LRP1B: variants seen among roughly 807,000 people sequenced by gnomAD.
LRP1B encodes low-density lipoprotein receptor-related protein 1B.
In LRP1B, 217 loss-of-function variants were observed where a neutral mutation model predicts 556.6. The ratio of observed to expected loss-of-function variants is 0.39; its 90% CI spans 0.35 to 0.44. LRP1B has a LOEUF of 0.44. Ranked by LOEUF, LRP1B falls within the 20% of genes least tolerant of loss-of-function variation. The pLI is 1.00. For synonymous variants in LRP1B, 2,047 were observed against 1,865.8 expected, an observed-to-expected ratio of 1.10 and a Z score of -2.50; for missense variants, 5,053 against 5,620.8, an observed-to-expected ratio of 0.90 and a Z score of 3.23.
At chr2:140,552,992 TA>T (rs1680600572) in intron 43 of LRP1B, among the ~76,000 whole-genome samples, 1 of 152,034 alleles carries the variant, frequency 6.6e-6, no homozygotes, top group Admixed American at 6.6e-5. Context: ...AACCTGAATG[TA>T]AAAATATTCA....
At chr2:141,877,142 G>A (rs896651570) in intron 1 of LRP1B, among the ~76,000 whole-genome samples, 1 of 151,918 alleles carries the variant, frequency 6.6e-6, no homozygotes, top group Non-Finnish European at 1.5e-5. Flanking sequence ...TGTAATCAAA[G>A]TTGAAATAAA....
intron 3 of LRP1B, among the ~76,000 whole-genome samples, chr2:141,336,114 CAA>C (rs60102985): frequency 1.2e-4 from 11 of 93,020 alleles, no homozygotes; most frequent in Middle Eastern, 7.4e-3. Flanking sequence ...CAGACCTGTC[CAA>C]AAAAAAAAAA....
intron 2 of LRP1B, among the ~76,000 whole-genome samples, chr2:141,651,676 A>G: frequency 6.6e-6 from 1 of 152,176 alleles, no homozygotes; most frequent in Non-Finnish European, 1.5e-5. Context: ...AAAAAATAAT[A>G]ATGATAATAA....
At chr2:140,845,498 CA>C (rs1322371395) in intron 29 of LRP1B, among the ~76,000 whole-genome samples, 1 of 148,772 alleles carries the variant, frequency 6.7e-6, no homozygotes, top group African/African-American at 2.5e-5. Flanking sequence ...CGTAACAGAA[CA>C]AAAAAAATTA....
At chr2:141,132,387 A>T (rs1701380874) in intron 7 of LRP1B, among the ~76,000 whole-genome samples, 1 of 151,640 alleles carries the variant, frequency 6.6e-6, no homozygotes, top group Non-Finnish European at 1.5e-5. Context: ...TGCCCCTTAG[A>T]TTTTCCTCTT....
chr2:142,074,057 T>G (rs1177747918), intron 1 of LRP1B, among the ~76,000 whole-genome samples: 1 of 152,072 alleles, frequency 6.6e-6, no homozygotes, highest in Admixed American at 6.6e-5. Flanking sequence ...CCATCTCTTT[T>G]CTTCATTCTT....
intron 7 of LRP1B, among the ~76,000 whole-genome samples, chr2:141,154,498 CT>C (rs987794631): frequency 9.2e-5 from 14 of 151,912 alleles, no homozygotes; most frequent in Admixed American, 9.2e-4. Flanking sequence ...TTTCATCTCT[CT>C]ATGGGCTAAT....
chr2:141,755,744 T>C (rs929823185), intron 2 of LRP1B, among the ~76,000 whole-genome samples: 4 of 151,988 alleles, frequency 2.6e-5, no homozygotes, highest in Non-Finnish European at 5.9e-5. Context: ...TAATAAAAAT[T>C]GCAACAAATT....
intron 3 of LRP1B, among the ~76,000 whole-genome samples, chr2:141,370,367 T>C (rs1391754982): frequency 6.6e-6 from 1 of 152,196 alleles, no homozygotes; most frequent in East Asian, 1.9e-4. Flanking sequence ...TGATATCTCA[T>C]TGTGGTTTTA....
At chr2:140,747,044 T>G (rs1688340115) in intron 35 of LRP1B, among the ~76,000 whole-genome samples, 1 of 152,186 alleles carries the variant, frequency 6.6e-6, no homozygotes, top group Admixed American at 6.5e-5. Context: ...GTTGCAGCTG[T>G]GCATTTTGGA....
In LRP1B at chr2:140,599,715, C is replaced by A. The variant is rs117748131; in HGVS notation, c.6990-880G>T. ...AAGTATTAAACTCACAATTTATTTA[C>A]AATATTTTCCTAGATTGTAGGCTTT... On this transcript the variant is annotated intron_variant, in intron 42 of 90. Coordinates refer to ENST00000389484, the MANE Select transcript of LRP1B (RefSeq NM_018557.3). 1.0e-3 allele frequency among the ~76,000 whole-genome samples: 157 copies of A among 152,104 alleles called. 4 individuals are homozygous for A. The East Asian group carries it at 0.022, about 21-fold the overall frequency.
At chr2:140,773,115 C>A (rs1032115919) in intron 33 of LRP1B, among the ~76,000 whole-genome samples, 2 of 151,102 alleles carry the variant, frequency 1.3e-5, no homozygotes, top group East Asian at 3.9e-4. Context: ...AACAAACAAA[C>A]AAAAAACAAG....
intron 2 of LRP1B, among the ~76,000 whole-genome samples, chr2:141,666,916 T>C (rs1690461422): frequency 6.6e-6 from 1 of 152,212 alleles, no homozygotes; most frequent in Non-Finnish European, 1.5e-5. Context: ...GATGTTTTTC[T>C]TATTGCTTGA....
chr2:141,890,541 T>C (rs183766087), intron 1 of LRP1B, among the ~76,000 whole-genome samples: 203 of 151,878 alleles, frequency 1.3e-3, no homozygotes, highest in African/African-American at 4.7e-3. Context: ...ATAATGCTTT[T>C]TACTCAGCTA....
At chr2:141,176,006 A>G (rs941570732) in intron 7 of LRP1B, among the ~76,000 whole-genome samples, 13 of 152,130 alleles carry the variant, frequency 8.5e-5, no homozygotes, top group Middle Eastern at 6.8e-3. Flanking sequence ...GGGGCCTGTA[A>G]CCCCATTGTT....
intron 20 of LRP1B, among the ~76,000 whole-genome samples, chr2:140,928,247 C>T (rs1278141967): frequency 1.3e-5 from 2 of 152,040 alleles, no homozygotes; most frequent in African/African-American, 2.4e-5. Context: ...TTAAGAAAGT[C>T]ATAAGTGCTG....
intron 85 of LRP1B, among the ~76,000 whole-genome samples, chr2:140,272,858 T>C (rs1447932537): frequency 6.6e-6 from 1 of 151,964 alleles, no homozygotes; most frequent in Non-Finnish European, 1.5e-5. Context: ...ATCTCCTCAT[T>C]GTTAGCAATT....
At chr2:140,323,866 GACA>G in intron 81 of LRP1B, 24 bp downstream of exon 81, 8 of 1,151,020 alleles carry the variant, frequency 7.0e-6, no homozygotes, top group South Asian at 1.6e-5. Flanking sequence ...TACCAATATA[GACA>G]ACTTCATAAT....
intron 8 of LRP1B, among the ~76,000 whole-genome samples, chr2:141,060,397 G>A (rs897678573): frequency 3.3e-5 from 5 of 151,730 alleles, no homozygotes; most frequent in African/African-American, 1.2e-4. Flanking sequence ...CCAGGCATAT[G>A]TGTATTTACT....
Sources: allele counts gnomAD v4.1 joint callset (sites outside exome capture counted in the v4.1 genomes callset), GRCh38; gene constraint gnomAD v4.1.1; transcripts MANE v1.5; gene names NCBI Gene and HGNC (gene_info 2026-07-23, HGNC 2026-07-21).